The following USP32 variants were observed in gnomAD, a reference collection of about 807,000 sequenced individuals.
USP32 encodes the protein ubiquitin specific peptidase 32.
In USP32, 59 loss-of-function variants were observed where a neutral mutation model predicts 204.8. The observed-to-expected ratio is 0.29, with a 90% CI of 0.23 to 0.36. USP32 has a LOEUF of 0.36. Ranked by LOEUF, USP32 falls within the 10% of genes least tolerant of loss-of-function variation. The pLI is 1.00. For missense variants in USP32, 1,160 were observed against 1,946.4 expected (o/e 0.60, Z 7.60); for synonymous variants, 517 against 678.4 (o/e 0.76, Z 3.70).
intron 21 of USP32, among the ~76,000 whole-genome samples, chr17:60,210,514 C>G (rs927069955): frequency 6.6e-6 from 1 of 152,172 alleles, no homozygotes. Context: ...GCCATCTTGT[C>G]CAGGCTGGTC....
At chr17:60,403,576 C>T (rs939690009) in intron 1 of USP32, among the ~76,000 whole-genome samples, 1 of 152,186 alleles carries the variant, frequency 6.6e-6, no homozygotes, top group Non-Finnish European at 1.5e-5. Context: ...TAACGCTCCT[C>T]AGGTGTGGTT....
At chr17:60,300,877 C>G (rs1484664648) in intron 3 of USP32, among the ~76,000 whole-genome samples, 1 of 152,162 alleles carries the variant, frequency 6.6e-6, no homozygotes, top group East Asian at 1.9e-4. Flanking sequence ...CCAGCAACCA[C>G]TAATCTATCA....
chr17:60,208,160 T>C lies in USP32; in HGVS notation c.2824A>G (p.Met942Val), dbSNP rs778793001. The C allele has an allele frequency of 1.4e-5, 23 of 1,602,270 alleles. No homozygotes were observed. The South Asian group carries it at 2.3e-4, about 16-fold the overall frequency. The change falls in exon 24 of 34, where the codon ATG (methionine) becomes GTG (valine). Residue 942 changes from methionine to valine, a missense_variant. Physicochemically the swap from Met to Val is conservative, Grantham distance 21. Coordinates refer to ENST00000300896, the MANE Select transcript of USP32 (RefSeq NM_032582.4). Reference sequence around the variant, plus strand: ...TTTAAACCTGTGTACTTTTCATCCATATTCAGTCTTAGTCCATACCGTACA... The same window carrying C: ...TTTAAACCTGTGTACTTTTCATCCACATTCAGTCTTAGTCCATACCGTACA... ...TPVRYGLRLN[M>V]DEKYTGLKKQ...
intron 1 of USP32, among the ~76,000 whole-genome samples, chr17:60,407,959 G>A (rs543068131): frequency 1.3e-5 from 2 of 151,892 alleles, no homozygotes; most frequent in Non-Finnish European, 2.9e-5. Flanking sequence ...TCAGCTGGGC[G>A]TGGGGGTGAG....
chr17:60,236,279 G>A, intron 11 of USP32, 39 bp from the exon 12 acceptor site: 2 of 1,522,100 alleles, frequency 1.3e-6, no homozygotes, highest in Non-Finnish European at 1.8e-6. Context: ...CAAACAAAGT[G>A]TGAAATAGGT....
chr17:60,196,952 A>G (rs771083402), intron 27 of USP32, among the ~76,000 whole-genome samples: 3 of 151,908 alleles, frequency 2.0e-5, no homozygotes, highest in Non-Finnish European at 4.4e-5. Context: ...AGGCCGAGGT[A>G]GGTGGATTAC....
At chr17:60,296,196 GT>G (rs1224739837) in intron 3 of USP32, among the ~76,000 whole-genome samples, 5 of 152,160 alleles carry the variant, frequency 3.3e-5, no homozygotes, top group Admixed American at 3.3e-4. Context: ...TTAGATATAT[GT>G]TTGAAATATT....
intron 2 of USP32, among the ~76,000 whole-genome samples, chr17:60,323,851 G>A (rs879945686): frequency 6.6e-6 from 1 of 152,140 alleles, no homozygotes; most frequent in Admixed American, 6.6e-5. Flanking sequence ...TCTAAAAAGC[G>A]TCAAAACATC....
At position 60,270,550 on chromosome 17, in the gene USP32, G is replaced by A. The variant is rs568237435; in HGVS notation, c.703+800C>T. 3.9e-5 allele frequency among the ~76,000 whole-genome samples: 6 copies of A among 152,222 alleles called. No individual in the cohort carries two copies. The East Asian group carries it at 5.8e-4, about 15-fold the overall frequency. ...TTAAAAAAGTAACAGCAGACTGGGC[G>A]CAGTGGCTCACGCCTGTAATCCCAG... On this transcript the variant is annotated intron_variant, in intron 6 of 33. Coordinates refer to ENST00000300896, the MANE Select transcript of USP32 (RefSeq NM_032582.4).
chr17:60,348,361 TAAG>T (rs2088839631), intron 1 of USP32, among the ~76,000 whole-genome samples: 3 of 151,100 alleles, frequency 2.0e-5, no homozygotes, highest in Admixed American at 1.3e-4. Flanking sequence ...AGGGAAAAAC[TAAG>T]AAAGAGAAAG....
Position 60,407,714 on chromosome 17 carries a change from G to A in USP32, c.106+14532C>T, listed in dbSNP as rs541267847. ...GAAGAATTGCTTGAACCCAGGAGGC[G>A]GAGGTTACAGTGAGCCGAGATTAAG... On this transcript the variant is annotated intron_variant, in intron 1 of 3. Coordinates refer to the USP32 transcript ENST00000588898. Among the ~76,000 whole-genome samples, 8 of 150,766 alleles carry A rather than the reference G, an allele frequency of 5.3e-5. No individual in the cohort carries two copies. In the East Asian group the frequency reaches 1.6e-3, roughly 29 times the overall value.
intron 26 of USP32, among the ~76,000 whole-genome samples, chr17:60,201,332 G>C (rs905299223): frequency 6.6e-6 from 1 of 151,888 alleles, no homozygotes. Context: ...TTTCATTTTG[G>C]GGCTACTATA....
At chr17:60,419,752 T>C (rs2090092074) in intron 1 of USP32, among the ~76,000 whole-genome samples, 1 of 150,154 alleles carries the variant, frequency 6.7e-6, no homozygotes, top group Admixed American at 6.7e-5. Flanking sequence ...AAAAAAATTC[T>C]GTGCAACAAA....
intron 29 of USP32, among the ~76,000 whole-genome samples, chr17:60,188,037 C>A (rs1460060342): frequency 6.6e-6 from 1 of 151,872 alleles, no homozygotes; most frequent in Admixed American, 6.6e-5. Flanking sequence ...CTGGAGTGCA[C>A]TGGCGAGATC....
At chr17:60,298,428 C>G (rs377249314) in intron 3 of USP32, among the ~76,000 whole-genome samples, 2 of 152,136 alleles carry the variant, frequency 1.3e-5, no homozygotes, top group East Asian at 3.9e-4. Flanking sequence ...TCAGTTGACA[C>G]ATATAACCTA....
chr17:60,221,753 C>T (rs2085255828), intron 15 of USP32, among the ~76,000 whole-genome samples: 2 of 151,978 alleles, frequency 1.3e-5, no homozygotes, highest in Non-Finnish European at 2.9e-5. Context: ...ATCTGCCTGC[C>T]TCGGCCTTCC....
rs1462710907 is a variant in USP32, at chr17:60,381,886, C to T, written c.58+9996G>A. Among the ~76,000 whole-genome samples the T allele has an allele frequency of 2.6e-5, 4 of 152,214 alleles. No homozygotes were observed. In the East Asian group the frequency reaches 7.7e-4, roughly 29 times the overall value. On this transcript the variant is annotated intron_variant, in intron 1 of 33. Transcript: ENST00000300896. ...CTCTCCTGTTCTCTCCCAGTCGATA[C>T]CGACCCTCAGAGGTCACCACTATTC...
chr17:60,226,386 C>T (rs906503224), intron 12 of USP32, among the ~76,000 whole-genome samples, 155 bp from the exon 13 acceptor site: 1 of 152,146 alleles, frequency 6.6e-6, no homozygotes, highest in African/African-American at 2.4e-5. Flanking sequence ...ATATTTTAAT[C>T]TCTTTCAGGA....
chr17:60,314,300 C>T (rs1324390775), intron 2 of USP32, among the ~76,000 whole-genome samples: 3 of 151,762 alleles, frequency 2.0e-5, no homozygotes, highest in Non-Finnish European at 4.4e-5. Flanking sequence ...TACCACTACT[C>T]CTGGCTAATT....
Sources: gnomAD v4.1 joint callset for allele counts (sites outside exome capture counted in the v4.1 genomes callset) on GRCh38, gnomAD v4.1.1 for gene constraint, MANE v1.5 for transcripts, NCBI Gene and HGNC (gene_info 2026-07-23, HGNC 2026-07-21) for gene names.